Variants in PDE1B observed in about 807,000 individuals in gnomAD.
The protein encoded by PDE1B is dual specificity calcium/calmodulin-dependent 3',5'-cyclic nucleotide phosphodiesterase 1B.
A neutral mutation model predicts 66.7 loss-of-function variants in PDE1B; 13 were observed. The observed-to-expected ratio is 0.19, with a 90% CI of 0.13 to 0.31. The LOEUF (loss-of-function observed/expected upper bound fraction) is 0.31, where lower values mean the gene tolerates loss of function less well. Ranked by LOEUF, PDE1B falls within the 10% of genes least tolerant of loss-of-function variation. PDE1B has a pLI of 1.00. For synonymous variants in PDE1B, 230 were observed against 253.9 expected, an observed-to-expected ratio of 0.91 and a Z score of 0.90; for missense variants, 485 against 682.3, an observed-to-expected ratio of 0.71 and a Z score of 3.22.
chr12:54,577,027 G>C, intron 14 of PDE1B, 198 bp from the exon 15 acceptor site: 1 of 615,824 alleles, frequency 1.6e-6, no homozygotes. Flanking sequence ...CTGTGTGAGG[G>C]GGTGGTAGGG....
Position 54,575,298 on chromosome 12 carries a change from C to T in PDE1B, c.1185+80C>T. 7.9e-7 allele frequency: 1 copy of T among 1,264,642 alleles called. No homozygotes were observed. Among genetic ancestry groups the T allele is most frequent in the Non-Finnish European group, 1.1e-6 (1 of 872,338 alleles). 78.3% of individuals were successfully genotyped at this position (1,264,642 alleles called of 1,614,324 possible). ...GCCCTCCAAGTTCCCCAATCCTGTT[C>T]CACATCCTCCTTTTGCTACCTGTAG... On this transcript the variant is annotated intron_variant, in intron 11 of 15. Coordinates refer to ENST00000243052, the MANE Select transcript of PDE1B (RefSeq NM_000924.4). This position sits in a 1 kb window ranked among gnomAD's most constrained non-coding sequence, Gnocchi z 4.0.
chr12:54,574,421 T>C (rs1957691202), intron 10 of PDE1B: 1 of 152,470 alleles, frequency 6.6e-6, no homozygotes, highest in Non-Finnish European at 1.5e-5. Context: ...TTGTTGTTTG[T>C]CACTTAATTC....
chr12:54,566,963 G>C lies in PDE1B; in HGVS notation c.114-11G>C. Reference sequence around the variant, plus strand: ...GTGCCTAAGCAGCCTCTCTGTATCTGCTCCCTGCAGGCTGCGCTACATGGT... The same window carrying C: ...GTGCCTAAGCAGCCTCTCTGTATCTCCTCCCTGCAGGCTGCGCTACATGGT... On this transcript the variant is annotated splice_polypyrimidine_tract_variant and intron_variant, in intron 2 of 15. Transcript: ENST00000243052. The C allele has an allele frequency of 6.5e-7, 1 of 1,544,254 alleles. No individual in the cohort carries two copies. The highest frequency in any genetic ancestry group is 8.9e-7 in the Non-Finnish European group (1 of 1,119,346).
intron 2 of PDE1B, among the ~76,000 whole-genome samples, chr12:54,556,564 G>A (rs557609050): frequency 1.3e-5 from 2 of 152,266 alleles, no homozygotes; most frequent in South Asian, 4.1e-4. Context: ...TTCCACTTCA[G>A]CACTCAGACC....
intron 2 of PDE1B, chr12:54,561,697 T>A: frequency 1.6e-6 from 2 of 1,269,418 alleles, no homozygotes; most frequent in Non-Finnish European, 2.2e-6. Context: ...TGCTCATGGA[T>A]CCACCAGTTG....
rs777575113 is a variant in PDE1B, at chr12:54,549,918, G to A, written c.46G>A (p.Asp16Asn). Residue 16 changes from aspartate to asparagine, a missense_variant, in exon 2 of 16, where the codon GAT becomes AAT. Physicochemically the swap from Asp to Asn is conservative, Grantham distance 23. Around this residue, in one of 4 missense-constraint regions of PDE1B, gnomAD observed 74 missense variants for 78.7 expected, o/e 0.94. Transcript: ENST00000243052. ...TCCTCCGGAGATGCTGGAGGAGTCG[G>A]ATTGCCCGTCACCCCTGGAGCTGAA... ...RSPPEMLEESDCPSPLELKSA... is the reference protein window; with the variant it reads ...RSPPEMLEESNCPSPLELKSA... 8.7e-6 allele frequency: 14 copies of A among 1,614,194 alleles called. No individual in the cohort carries two copies. Among genetic ancestry groups the A allele is most frequent in the Middle Eastern group, 1.6e-4 (1 of 6,062 alleles).
chr12:54,567,052 T>G lies in PDE1B; in HGVS notation c.192T>G (p.Ala64=). ...TGAAGAAAAATCTGGAGTACACAGC[T>G]TCTCTGCTGGAAGCCGTCTACATAG... The part of the protein sequence containing the change: ...EELKKNLEYT[A]SLLEAVYIDE... The change falls in exon 3 of 16, where the codon GCT becomes GCG. Residue 64 remains alanine (A), a synonymous_variant. Transcript: ENST00000243052. 6.2e-7 allele frequency: 1 copy of G among 1,608,054 alleles called. No individual in the cohort carries two copies. Among genetic ancestry groups the G allele is most frequent in the East Asian group, 2.2e-5 (1 of 44,812 alleles).
intron 14 of PDE1B, chr12:54,576,923 C>A: frequency 1.6e-6 from 1 of 615,734 alleles, no homozygotes; most frequent in Non-Finnish European, 2.8e-6. Context: ...TCAGATATTC[C>A]ACAACCCAAG....
chr12:54,555,080 G>T (rs1409181529), intron 2 of PDE1B, among the ~76,000 whole-genome samples: 1 of 152,210 alleles, frequency 6.6e-6, no homozygotes, highest in Non-Finnish European at 1.5e-5. Flanking sequence ...GGTGGGACTA[G>T]AGGAGGGCAA....
At position 54,576,612 on chromosome 12, in the gene PDE1B, A is replaced by C. The variant is rs553270920; in HGVS notation, c.1418A>C (p.Asp473Ala). The change falls in exon 14 of 16, where the codon GAC becomes GCC. Residue 473 changes from aspartate (D) to alanine (A), a missense_variant. Around this residue, in one of 4 missense-constraint regions of PDE1B, gnomAD observed 126 missense variants for 133.8 expected, o/e 0.94. Transcript: ENST00000243052. Reference sequence around the variant, plus strand: ...CCCTCTCTGGATGTGGAAGTGGGAGACCCCAACCCTGATGTGGTCAGCTTT... The same window carrying C: ...CCCTCTCTGGATGTGGAAGTGGGAGCCCCCAACCCTGATGTGGTCAGCTTT... The part of the protein sequence containing the change: ...RQPSLDVEVG[D>A]PNPDVVSFRS... The C allele has an allele frequency of 3.7e-6, 6 of 1,613,456 alleles. No homozygotes were observed. Among genetic ancestry groups the C allele is most frequent in the Non-Finnish European group, 4.2e-6 (5 of 1,179,934 alleles).
At chr12:54,561,848 T>TCC (rs149849996) in intron 2 of PDE1B, among the ~76,000 whole-genome samples, 14 of 151,020 alleles carry the variant, frequency 9.3e-5, no homozygotes, top group African/African-American at 2.9e-4. Context: ...CCCATTTCCA[T>TCC]CCCCCCCCAC....
At chr12:54,572,300 T>C (rs986135938) in intron 6 of PDE1B, 2 of 290,384 alleles carry the variant, frequency 6.9e-6, no homozygotes, top group Non-Finnish European at 6.4e-6. Flanking sequence ...ATAATAATTA[T>C]AGCTATTCTT....
chr12:54,577,293 G>C lies in PDE1B; in HGVS notation c.1576G>C (p.Glu526Gln). 1.9e-6 allele frequency: 3 copies of C among 1,613,876 alleles called. 1 individual carries two copies. In the Admixed American group the frequency reaches 5.0e-5, roughly 27 times the overall value. The part of the protein sequence containing the change: ...CEEEAPPSPA[E>Q]DEHNQNGNLD Reference sequence around the variant, plus strand: ...AGAAGAGGCCCCCCCATCCCCTGCCGAAGATGAACACAACCAGAATGGGAA... The same window carrying C: ...AGAAGAGGCCCCCCCATCCCCTGCCCAAGATGAACACAACCAGAATGGGAA... The change falls in exon 15 of 16, where the codon GAA becomes CAA. Residue 526 changes from glutamate to glutamine, a missense_variant. Glu to Gln is a conservative substitution (Grantham distance 29, BLOSUM62 2). Transcript: ENST00000243052.
intron 15 of PDE1B, 122 bp downstream of exon 15, chr12:54,577,467 C>A: frequency 1.2e-6 from 2 of 1,601,346 alleles, no homozygotes; most frequent in Non-Finnish European, 1.7e-6. Flanking sequence ...TAAAATGGAG[C>A]GAGTGAAGAC....
intron 2 of PDE1B, among the ~76,000 whole-genome samples, chr12:54,555,173 G>A (rs1018368649): frequency 4.6e-5 from 7 of 152,212 alleles, no homozygotes; most frequent in African/African-American, 1.7e-4. Flanking sequence ...GGTCAAACTG[G>A]AAGTGGATGG....
chr12:54,570,276 G>A lies in PDE1B; in HGVS notation c.513G>A (p.Leu171=). The change falls in exon 6 of 16, where the codon TTG becomes TTA. Residue 171 remains leucine (L), a synonymous_variant. Coordinates refer to ENST00000243052, the MANE Select transcript of PDE1B (RefSeq NM_000924.4). ...LDLWCFDVFS[L]NQAADDHALR... ...TCTGGTGCTTTGATGTCTTTTCCTT[G>A]AACCAGGCAGCAGATGACCATGCCC... 6.2e-7 allele frequency: 1 copy of A among 1,613,516 alleles called. No homozygotes were observed. Among genetic ancestry groups the A allele is most frequent in the Non-Finnish European group, 8.5e-7 (1 of 1,179,554 alleles).
At chr12:54,568,465 A>AAC (rs1234159795) in intron 3 of PDE1B, among the ~76,000 whole-genome samples, 2 of 76,306 alleles carry the variant, frequency 2.6e-5, no homozygotes, top group African/African-American at 1.1e-4. Flanking sequence ...CCTGTCTAAA[A>AAC]ATACACACAC....
At chr12:54,559,997 A>G (rs1957385714) in intron 2 of PDE1B, among the ~76,000 whole-genome samples, 1 of 152,064 alleles carries the variant, frequency 6.6e-6, no homozygotes. Context: ...CTCTAAAAAC[A>G]CTCATCAGCT....
chr12:54,556,384 GA>G lies in PDE1B; in HGVS notation c.113+6403del, dbSNP rs556397038. Among the ~76,000 whole-genome samples the G allele has an allele frequency of 3.3e-5, 5 of 152,288 alleles. No individual in the cohort carries two copies. The South Asian group carries it at 1.0e-3, about 32-fold the overall frequency. Reference sequence around the variant, plus strand: ...AGGGAAAAAAGAGTGACTGAGAAGGGAAAAGGATAAAATCAACTTATTATCC... The same window carrying G: ...AGGGAAAAAAGAGTGACTGAGAAGGGAAAGGATAAAATCAACTTATTATCC... On this transcript the variant is annotated intron_variant, in intron 2 of 15. Coordinates refer to ENST00000243052, the MANE Select transcript of PDE1B (RefSeq NM_000924.4).
Sources: allele counts gnomAD v4.1 joint callset (sites outside exome capture counted in the v4.1 genomes callset), GRCh38; gene constraint gnomAD v4.1.1; regional missense constraint gnomAD v4.1.1; non-coding constraint Gnocchi (gnomAD v3.1); transcripts MANE v1.5; gene names NCBI Gene and HGNC (gene_info 2026-07-23, HGNC 2026-07-21).